The following ARHGAP28 variants were observed in gnomAD, a reference collection of about 807,000 sequenced individuals.
The protein encoded by ARHGAP28 is Rho GTPase activating protein 28.
A neutral mutation model predicts 90.7 loss-of-function variants in ARHGAP28; 56 were observed. The ratio of observed to expected loss-of-function variants is 0.62; its 90% CI spans 0.50 to 0.77. The LOEUF (loss-of-function observed/expected upper bound fraction) is 0.77. Ranked by LOEUF, ARHGAP28 falls within the 30% of genes least tolerant of loss-of-function variation. The pLI, the probability that ARHGAP28 is intolerant of heterozygous loss-of-function variation, is 0.00. For synonymous variants in ARHGAP28, 308 were observed against 323.3 expected, an observed-to-expected ratio of 0.95 and a Z score of 0.51; for missense variants, 869 against 900.9, an observed-to-expected ratio of 0.96 and a Z score of 0.45.
intron 1 of ARHGAP28, among the ~76,000 whole-genome samples, chr18:6,740,924 C>T (rs73380732): frequency 0.013 from 1,909 of 152,238 alleles, 37 homozygotes; most frequent in African/African-American, 0.044. Flanking sequence ...TCACTCAGGC[C>T]CACAATGTGG....
intron 1 of ARHGAP28, among the ~76,000 whole-genome samples, chr18:6,771,170 G>A (rs1374485689): frequency 6.6e-6 from 1 of 152,024 alleles, no homozygotes. Context: ...CTGGATAGCT[G>A]GGACTATGGG....
chr18:6,771,107 G>A (rs1167358237), intron 1 of ARHGAP28, among the ~76,000 whole-genome samples: 1 of 152,016 alleles, frequency 6.6e-6, no homozygotes, highest in African/African-American at 2.4e-5. Context: ...TATGATCATG[G>A]CTCACTGCAG....
rs536437799 is a variant in ARHGAP28 at position 6,896,512 on chromosome 18, C to T, written c.1916C>T (p.Pro639Leu). ...SPSARRMSDV[P>L]EGVIRVHAPL... is the part of the protein sequence containing the mutation. ...TCTCCTCCTTGGCAGTCTGACGTGCCGGAAGGAGTCATACGGGTCCATGCT... is the reference window on the plus strand; with the variant it reads ...TCTCCTCCTTGGCAGTCTGACGTGCTGGAAGGAGTCATACGGGTCCATGCT... Residue 639 changes from proline (P) to leucine (L), a missense_variant, in exon 16 of 18, where the codon CCG becomes CTG. By Grantham distance (98) the Pro-to-Leu change is moderately conservative. Coordinates refer to ENST00000383472, the MANE Select transcript of ARHGAP28 (RefSeq NM_001366230.1). 1.1e-5 allele frequency: 18 copies of T among 1,613,968 alleles called. No individual in the cohort carries two copies. The highest frequency in any genetic ancestry group is 1.1e-4 in the African/African-American group (8 of 75,022).
At chr18:6,772,771 G>A (rs184940123) in intron 1 of ARHGAP28, among the ~76,000 whole-genome samples, 13 of 150,772 alleles carry the variant, frequency 8.6e-5, no homozygotes, top group African/African-American at 2.9e-4. Context: ...TTTCGCTCTT[G>A]TTGCCCAGGC....
At position 6,839,645 on chromosome 18, in the gene ARHGAP28, C is replaced by T. The variant is rs115353137; in HGVS notation, c.543+2231C>T. On this transcript the variant is annotated intron_variant, in intron 3 of 17. Transcript: ENST00000383472. ...AGTGCAAGTTTCTAAGTCAGCCTCC[C>T]CCTTCACTTGCATTTTATTTGGTGT... Among the ~76,000 whole-genome samples, 1,028 of 152,224 alleles carry T rather than the reference C, an allele frequency of 6.8e-3. 9 individuals carry two copies. The highest frequency in any genetic ancestry group is 0.023 in the African/African-American group (972 of 41,542).
intron 1 of ARHGAP28, among the ~76,000 whole-genome samples, chr18:6,812,603 A>T (rs1383034555): frequency 2.7e-5 from 4 of 148,048 alleles, no homozygotes; most frequent in Non-Finnish European, 4.4e-5. Flanking sequence ...TCCCCATGGC[A>T]TCAGCTATTG....
chr18:6,895,010 A>G lies in ARHGAP28; in HGVS notation c.1905+119A>G, dbSNP rs373747422. ...CTATCCTTCAAACTTGACATTTTCA[A>G]TGTGGCACATAAAGGAATGGTAGAG... is the stretch of plus-strand genomic sequence containing the variant. On this transcript the variant is annotated intron_variant, in intron 15 of 17. Transcript: ENST00000383472. 366 of 1,008,172 alleles carry G rather than the reference A, an allele frequency of 3.6e-4. 1 individual carries two copies. In the South Asian group the frequency reaches 4.6e-3, roughly 13 times the overall value. 62.5% of individuals were successfully genotyped at this position (1,008,172 alleles called of 1,614,324 possible).
At chr18:6,821,705 G>T (rs1021503459) in intron 1 of ARHGAP28, among the ~76,000 whole-genome samples, 1 of 152,124 alleles carries the variant, frequency 6.6e-6, no homozygotes, top group Non-Finnish European at 1.5e-5. Context: ...GATTCTTTGG[G>T]TGGACTGTTT....
intron 1 of ARHGAP28, among the ~76,000 whole-genome samples, chr18:6,766,636 G>A (rs970852244): frequency 6.6e-6 from 1 of 152,002 alleles, no homozygotes; most frequent in East Asian, 1.9e-4. Flanking sequence ...GACTTTTGGG[G>A]ACCCAAAAGT....
intron 4 of ARHGAP28, among the ~76,000 whole-genome samples, chr18:6,856,726 T>C (rs1316962674): frequency 6.6e-6 from 1 of 152,144 alleles, no homozygotes; most frequent in Non-Finnish European, 1.5e-5. Context: ...TTAATCAAAA[T>C]ATAGAACATC....
chr18:6,827,143 C>G (rs1196106805), intron 2 of ARHGAP28, among the ~76,000 whole-genome samples: 1 of 152,216 alleles, frequency 6.6e-6, no homozygotes, highest in Non-Finnish European at 1.5e-5. Flanking sequence ...CACCTTTCCC[C>G]GCTTTCTATT....
chr18:6,868,473 C>A (rs987795812), intron 6 of ARHGAP28, among the ~76,000 whole-genome samples: 14 of 152,152 alleles, frequency 9.2e-5, no homozygotes, highest in Admixed American at 4.6e-4. Flanking sequence ...TCACGACCAC[C>A]TCATCATTTA....
At chr18:6,765,481 C>CT (rs1449940683) in intron 1 of ARHGAP28, among the ~76,000 whole-genome samples, 1 of 151,962 alleles carries the variant, frequency 6.6e-6, no homozygotes, top group African/African-American at 2.4e-5. Flanking sequence ...GTACACGGCT[C>CT]TTTTTTTCCT....
chr18:6,805,806 G>A (rs2143654514), intron 1 of ARHGAP28, among the ~76,000 whole-genome samples: 1 of 151,634 alleles, frequency 6.6e-6, no homozygotes, highest in Non-Finnish European at 1.5e-5. Context: ...TTAATTGAGA[G>A]GTTTACACCA....
At chr18:6,765,352 A>G (rs920843304) in intron 1 of ARHGAP28, among the ~76,000 whole-genome samples, 3 of 152,148 alleles carry the variant, frequency 2.0e-5, no homozygotes, top group Non-Finnish European at 4.4e-5. Context: ...TTCTTCTGTC[A>G]GTTCTAATAA....
intron 16 of ARHGAP28, among the ~76,000 whole-genome samples, chr18:6,905,211 G>A (rs1012381330): frequency 1.1e-4 from 16 of 151,680 alleles, no homozygotes; most frequent in Admixed American, 2.0e-4. Context: ...TAAAAGAATC[G>A]TACACCATAA....
intron 1 of ARHGAP28, among the ~76,000 whole-genome samples, chr18:6,763,658 A>G (rs1600162219): frequency 6.6e-6 from 1 of 152,162 alleles, no homozygotes; most frequent in East Asian, 1.9e-4. Context: ...TTTTTCACTG[A>G]CCTATCAGCC....
In ARHGAP28 at chr18:6,876,285, G is replaced by A. The variant is rs1246254049; in HGVS notation, c.1290+77G>A. On this transcript the variant is annotated intron_variant, in intron 10 of 17. Transcript: ENST00000383472. ...AGTTCACACAAGCATCGGGGATCCA[G>A]ATATTTGTTGTTGTTTATTAGATAT... The A allele has an allele frequency of 2.8e-6, 3 of 1,085,574 alleles. No individual in the cohort carries two copies. In the East Asian group the frequency reaches 7.1e-5, roughly 26 times the overall value. The allele number at this position is 1,085,574 out of a possible 1,614,324, so 67.2% of individuals were successfully genotyped here.
intron 1 of ARHGAP28, among the ~76,000 whole-genome samples, chr18:6,734,575 G>A (rs2055910011): frequency 6.6e-6 from 1 of 152,162 alleles, no homozygotes; most frequent in Admixed American, 6.5e-5. Context: ...GATTAAAATG[G>A]AATGGATGAT....
Sources: allele counts gnomAD v4.1 joint callset (sites outside exome capture counted in the v4.1 genomes callset), GRCh38; gene constraint gnomAD v4.1.1; transcripts MANE v1.5; gene names NCBI Gene and HGNC (gene_info 2026-07-23, HGNC 2026-07-21).